CCDC73: variants seen among roughly 807,000 people sequenced by gnomAD.
The protein encoded by CCDC73 is coiled-coil domain containing 73.
A neutral mutation model predicts 116.5 loss-of-function variants in CCDC73; 95 were observed. The observed-to-expected ratio is 0.82, with a 90% CI of 0.69 to 0.97. The LOEUF is 0.97. Ranked by LOEUF, CCDC73 falls within the 50% of genes least tolerant of loss-of-function variation. The pLI, the probability that CCDC73 is intolerant of heterozygous loss-of-function variation, is 0.00. For missense variants in CCDC73, 1,066 were observed against 1,206.8 expected (o/e 0.88, Z 1.73); for synonymous variants, 398 against 401.3 (o/e 0.99, Z 0.10).
intron 12 of CCDC73, 80 bp downstream of exon 12, chr11:32,653,039 AAAAT>A (rs1565066985): frequency 1.3e-6 from 1 of 793,030 alleles, no homozygotes; most frequent in Non-Finnish European, 2.0e-6. Flanking sequence ...ACTGGACAGA[AAAAT>A]AAACTAAACA....
chr11:32,722,557 A>G (rs1385882716), intron 2 of CCDC73, among the ~76,000 whole-genome samples: 1 of 152,218 alleles, frequency 6.6e-6, no homozygotes, highest in Non-Finnish European at 1.5e-5. Context: ...ATAAATGAGG[A>G]GAGATTACAA....
chr11:32,605,003 C>A (rs1378381693), intron 17 of CCDC73: 1 of 152,118 alleles, frequency 6.6e-6, no homozygotes, highest in Non-Finnish European at 1.5e-5. Context: ...CAGGCACCCA[C>A]CACGATGCCC....
At chr11:32,672,468 CTTA>C (rs1229051785) in intron 9 of CCDC73, among the ~76,000 whole-genome samples, 1 of 152,024 alleles carries the variant, frequency 6.6e-6, no homozygotes, top group Non-Finnish European at 1.5e-5. Flanking sequence ...TGTATAAAGG[CTTA>C]TTAATATTTT....
rs1856167118 is a variant in CCDC73 at position 32,683,549 on chromosome 11, T to C, written c.416A>G (p.Lys139Arg). 1 of 1,524,454 alleles carries C rather than the reference T, an allele frequency of 6.6e-7. No homozygotes were observed. Among genetic ancestry groups the C allele is most frequent in the Non-Finnish European group, 9.1e-7 (1 of 1,101,864 alleles). The allele number at this position is 1,524,454 out of a possible 1,614,324, so 94.4% of individuals were successfully genotyped here. ...LQVSKYSLQK[K>R]VSEMEQKVQL... is the part of the protein sequence containing the mutation. ...TAATTTCCTTACCATTTCACTCACT[T>C]TCTTCTGTAAAGAGTATTTAGAAAC... The change falls in exon 7 of 18, where the codon AAA (lysine) becomes AGA (arginine). Residue 139 changes from lysine to arginine, a missense_variant. Coordinates refer to ENST00000335185, the MANE Select transcript of CCDC73 (RefSeq NM_001008391.4).
intron 2 of CCDC73, chr11:32,758,553 T>A (rs957261033): frequency 9.0e-6 from 4 of 446,840 alleles, no homozygotes; most frequent in African/African-American, 8.0e-5. Flanking sequence ...GCTTTCTTCA[T>A]CAAGGAGCAG....
At chr11:32,813,423 A>AT in the CCDC73 span, among the ~76,000 whole-genome samples, 5 of 151,990 alleles carry the variant, frequency 3.3e-5, no homozygotes, top group Non-Finnish European at 7.4e-5. Flanking sequence ...CATGCAATGA[A>AT]TTTTTTAATT....
At chr11:32,750,690 G>A (rs1257312369) in intron 2 of CCDC73, among the ~76,000 whole-genome samples, 2 of 152,098 alleles carry the variant, frequency 1.3e-5, no homozygotes, top group African/African-American at 2.4e-5. Flanking sequence ...TCCAGGCCAG[G>A]ACACACCCTT....
At chr11:32,659,936 T>C (rs1855907182) in intron 9 of CCDC73, among the ~76,000 whole-genome samples, 1 of 152,150 alleles carries the variant, frequency 6.6e-6, no homozygotes, top group African/African-American at 2.4e-5. Context: ...TTCCTTGAAC[T>C]ACCTCTTGCT....
At chr11:32,736,193 CA>C (rs1850127516) in intron 2 of CCDC73, among the ~76,000 whole-genome samples, 1 of 151,962 alleles carries the variant, frequency 6.6e-6, no homozygotes, top group Non-Finnish European at 1.5e-5. Flanking sequence ...TTCTGCACAG[CA>C]AAAGAAACTA....
chr11:32,776,989 GTATA>G (rs71063758), intron 1 of CCDC73, among the ~76,000 whole-genome samples: 2,163 of 101,050 alleles, frequency 0.021, 44 homozygotes, highest in East Asian at 0.11. Context: ...ATATACACAT[GTATA>G]TATATATATA....
intron 3 of CCDC73, among the ~76,000 whole-genome samples, chr11:32,709,342 A>G (rs1212409937): frequency 6.6e-6 from 1 of 152,100 alleles, no homozygotes; most frequent in Non-Finnish European, 1.5e-5. Context: ...TCTGTTGCCC[A>G]GGCTAGAGTG....
chr11:32,748,683 A>C (rs539264392), intron 2 of CCDC73, among the ~76,000 whole-genome samples: 8 of 152,352 alleles, frequency 5.3e-5, no homozygotes, highest in African/African-American at 1.9e-4. Context: ...ATCACTGATT[A>C]ACATCCTTTT....
the CCDC73 span, among the ~76,000 whole-genome samples, chr11:32,813,782 C>T: frequency 6.6e-6 from 1 of 152,214 alleles, no homozygotes; most frequent in South Asian, 2.1e-4. Context: ...TAATATCACA[C>T]CATCTTAATC....
At chr11:32,738,493 G>T (rs760479958) in intron 2 of CCDC73, among the ~76,000 whole-genome samples, 1 of 152,046 alleles carries the variant, frequency 6.6e-6, no homozygotes, top group Admixed American at 6.6e-5. Context: ...TGTGCGATTT[G>T]TATGCCTTCT....
the CCDC73 span, among the ~76,000 whole-genome samples, chr11:32,826,985 C>T: frequency 4.6e-5 from 7 of 152,086 alleles, no homozygotes; most frequent in East Asian, 9.6e-4. Flanking sequence ...CCTCAGCCTC[C>T]CGAGTAGCTG....
chr11:32,773,710 T>C (rs769992545), intron 1 of CCDC73, among the ~76,000 whole-genome samples: 64 of 151,298 alleles, frequency 4.2e-4, no homozygotes, highest in Non-Finnish European at 8.0e-4. Flanking sequence ...AGCCCAGGAG[T>C]TCGAGGTAAC....
chr11:32,635,611 T>G (rs1209553974), intron 14 of CCDC73, 85 bp downstream of exon 14: 2 of 1,157,826 alleles, frequency 1.7e-6, no homozygotes, highest in South Asian at 6.8e-5. Flanking sequence ...GTTGAGAAAC[T>G]TAAAGTATAA....
chr11:32,620,194 G>A (rs1374810112), intron 14 of CCDC73, among the ~76,000 whole-genome samples: 1 of 152,072 alleles, frequency 6.6e-6, no homozygotes, highest in Non-Finnish European at 1.5e-5. Context: ...ATTGTTGCTG[G>A]AAGAGTCTCA....
intron 5 of CCDC73, among the ~76,000 whole-genome samples, 172 bp from the exon 6 acceptor site, chr11:32,699,497 T>C (rs1202638236): frequency 6.6e-6 from 1 of 152,072 alleles, no homozygotes; most frequent in East Asian, 1.9e-4. Context: ...ATCTCAATGA[T>C]AGACTGGATT....
Sources: gnomAD v4.1 joint callset for allele counts (sites outside exome capture counted in the v4.1 genomes callset) on GRCh38, gnomAD v4.1.1 for gene constraint, MANE v1.5 for transcripts, NCBI Gene and HGNC (gene_info 2026-07-23, HGNC 2026-07-21) for gene names.